The following PTPRD variants were observed in gnomAD, a reference collection of about 807,000 sequenced individuals.
PTPRD encodes the protein protein tyrosine phosphatase receptor type D.
In PTPRD, 34 loss-of-function variants were observed where a neutral mutation model predicts 214.5. That is an observed-to-expected ratio of 0.16 (90% confidence interval 0.12 to 0.21). The LOEUF is 0.21. Among genes scored for constraint, PTPRD ranks in the 10% least tolerant of loss-of-function variants. The probability of loss-of-function intolerance (pLI) is 1.00; values close to 1 mark genes in which losing one functional copy is unlikely to be tolerated. For synonymous variants in PTPRD, 1,128 were observed against 845.7 expected, an observed-to-expected ratio of 1.33 and a Z score of -5.79; for missense variants, 2,545 against 2,398.7, an observed-to-expected ratio of 1.06 and a Z score of -1.27.
intron 4 of PTPRD, among the ~76,000 whole-genome samples, chr9:9,947,855 A>G (rs1004573402): frequency 2.0e-5 from 3 of 150,702 alleles, no homozygotes; most frequent in Non-Finnish European, 4.4e-5. Context: ...TAAATCAGCC[A>G]TCCCTGACAG....
In PTPRD at chr9:8,504,321, G is replaced by C. The variant is rs200847027; in HGVS notation, c.1762C>G (p.Arg588Gly). The change falls in exon 23 of 46, where the codon CGC becomes GGC. Residue 588 changes from arginine (R) to glycine (G), a missense_variant. Physicochemically the swap from Arg to Gly is moderately radical, Grantham distance 125 (BLOSUM62 -2). Transcript: ENST00000381196. ...GAAGCACCCAGGCCTTGAGGGGAGC[G>C]TGCAGCCAGACGGAAATAGTATAAG... ...NSLYYFRLAA[R>G]SPQGLGASTA... 1.2e-6 allele frequency: 2 copies of C among 1,614,102 alleles called. No homozygotes were observed. Among genetic ancestry groups the C allele is most frequent in the South Asian group, 1.1e-5 (1 of 91,070 alleles).
chr9:9,925,262 G>A (rs879617480), intron 5 of PTPRD, among the ~76,000 whole-genome samples: 3 of 151,778 alleles, frequency 2.0e-5, no homozygotes, highest in Admixed American at 1.3e-4. Context: ...CTTATTACAG[G>A]GTAGGATAAA....
At chr9:9,766,653 A>G (rs974496034) in intron 6 of PTPRD, among the ~76,000 whole-genome samples, 157 bp downstream of exon 6, 1 of 152,078 alleles carries the variant, frequency 6.6e-6, no homozygotes, top group African/African-American at 2.4e-5. Context: ...CCAGAATTCT[A>G]ATTCTGATGT....
rs150967919 is a variant in PTPRD, at chr9:9,332,883, G to T, written c.-203+64566C>A. Among the ~76,000 whole-genome samples, 21 of 152,024 alleles carry T rather than the reference G, an allele frequency of 1.4e-4. No homozygotes were observed. In the East Asian group the frequency reaches 4.1e-3, roughly 29 times the overall value. On this transcript the variant is annotated intron_variant, in intron 9 of 45. Coordinates refer to ENST00000381196, the MANE Select transcript of PTPRD (RefSeq NM_002839.4). ...AGTGGATACATGTGCTATATTTCCA[G>T]AAAGAATGCTAACATTAATCATAAA...
chr9:8,999,865 A>T (rs1475428550), intron 11 of PTPRD, among the ~76,000 whole-genome samples: 2 of 151,872 alleles, frequency 1.3e-5, no homozygotes, highest in African/African-American at 4.8e-5. Flanking sequence ...GAACAGGGGG[A>T]TGGGGTGTTG....
At chr9:8,941,395 T>C (rs1031657569) in intron 11 of PTPRD, among the ~76,000 whole-genome samples, 1 of 152,178 alleles carries the variant, frequency 6.6e-6, no homozygotes, top group East Asian at 1.9e-4. Flanking sequence ...TGTATGTATA[T>C]AATTTTATAA....
intron 5 of PTPRD, among the ~76,000 whole-genome samples, chr9:9,933,274 C>A (rs1013798884): frequency 1.6e-4 from 24 of 152,218 alleles, no homozygotes; most frequent in East Asian, 3.8e-4. Flanking sequence ...TTAAAAGACA[C>A]AGACTGGCAA....
intron 2 of PTPRD, among the ~76,000 whole-genome samples, chr9:10,400,079 G>A (rs1003008297): frequency 1.6e-4 from 24 of 151,776 alleles, no homozygotes; most frequent in African/African-American, 9.7e-5. Flanking sequence ...GCATAACTCC[G>A]ATATAGTGGT....
At chr9:9,527,205 C>A (rs1000894407) in intron 8 of PTPRD, among the ~76,000 whole-genome samples, 1 of 152,084 alleles carries the variant, frequency 6.6e-6, no homozygotes, top group East Asian at 1.9e-4. Context: ...TGAATGTTTT[C>A]TAATCTTAAA....
chr9:8,682,626 T>C (rs2097572504), intron 12 of PTPRD, among the ~76,000 whole-genome samples: 2 of 152,338 alleles, frequency 1.3e-5, no homozygotes, highest in African/African-American at 4.8e-5. Flanking sequence ...TAAGCCAAAA[T>C]GTTATCCTAG....
At chr9:9,693,336 G>C (rs2097309206) in intron 7 of PTPRD, among the ~76,000 whole-genome samples, 3 of 152,158 alleles carry the variant, frequency 2.0e-5, no homozygotes, top group Admixed American at 1.3e-4. Context: ...TTTGTGAGTG[G>C]ATTATCATGA....
At chr9:9,804,274 A>G (rs1449172447) in intron 5 of PTPRD, among the ~76,000 whole-genome samples, 1 of 152,126 alleles carries the variant, frequency 6.6e-6, no homozygotes, top group East Asian at 1.9e-4. Context: ...AATATTTCAT[A>G]AAATAGCAGT....
At chr9:8,701,707 C>A (rs1441286487) in intron 12 of PTPRD, among the ~76,000 whole-genome samples, 1 of 152,128 alleles carries the variant, frequency 6.6e-6, no homozygotes, top group African/African-American at 2.4e-5. Flanking sequence ...CTTTGTCACC[C>A]TTGGATGCCC....
intron 14 of PTPRD, among the ~76,000 whole-genome samples, chr9:8,632,529 A>T (rs1034904965): frequency 6.6e-6 from 1 of 151,934 alleles, no homozygotes; most frequent in African/African-American, 2.4e-5. Flanking sequence ...AAGGCACAGA[A>T]TAGTTAATCT....
intron 2 of PTPRD, among the ~76,000 whole-genome samples, chr9:10,477,313 G>A (rs958836835): frequency 6.6e-6 from 1 of 152,118 alleles, no homozygotes; most frequent in Non-Finnish European, 1.5e-5. Flanking sequence ...CCATCAAAGA[G>A]TGGGTGAAAT....
chr9:10,337,541 C>A (rs1053395706), intron 3 of PTPRD, among the ~76,000 whole-genome samples: 3 of 151,616 alleles, frequency 2.0e-5, no homozygotes, highest in African/African-American at 7.3e-5. Context: ...AACTTTAATA[C>A]AAAACAATAT....
chr9:9,229,556 A>G (rs2099961780), intron 9 of PTPRD, among the ~76,000 whole-genome samples: 1 of 152,156 alleles, frequency 6.6e-6, no homozygotes. Flanking sequence ...AAATGTTGAG[A>G]GAAAACTTAT....
chr9:8,898,296 C>T (rs1164469999), intron 11 of PTPRD, among the ~76,000 whole-genome samples: 1 of 151,918 alleles, frequency 6.6e-6, no homozygotes, highest in East Asian at 1.9e-4. Flanking sequence ...CTGAGAGCCC[C>T]AGGAATCTCC....
At chr9:8,489,015 G>A (rs1201654532) in intron 27 of PTPRD, among the ~76,000 whole-genome samples, 5 of 152,126 alleles carry the variant, frequency 3.3e-5, no homozygotes, top group East Asian at 1.9e-4. Context: ...TGAGATGCAC[G>A]TAAAGCTAGG....
Sources: gnomAD v4.1 joint callset for allele counts (sites outside exome capture counted in the v4.1 genomes callset) on GRCh38, gnomAD v4.1.1 for gene constraint, MANE v1.5 for transcripts, NCBI Gene and HGNC (gene_info 2026-07-23, HGNC 2026-07-21) for gene names.